The following ELOVL6 variants were observed in gnomAD, a reference collection of about 807,000 sequenced individuals.
The protein encoded by ELOVL6 is ELOVL fatty acid elongase 6, also known as very long chain fatty acid elongase 6.
Under a neutral mutation model 31.7 loss-of-function variants are expected in ELOVL6, and 8 were observed. That is an observed-to-expected ratio of 0.25 (90% CI 0.15 to 0.45). The LOEUF (loss-of-function observed/expected upper bound fraction) is 0.45. Ranked by LOEUF, ELOVL6 falls within the 20% of genes least tolerant of loss-of-function variation. The pLI, the probability that ELOVL6 is intolerant of heterozygous loss-of-function variation, is 1.00. For missense variants in ELOVL6, 126 were observed against 326.4 expected, an observed-to-expected ratio of 0.39 and a Z score of 4.73; for synonymous variants, 101 against 117.7, an observed-to-expected ratio of 0.86 and a Z score of 0.92.
intron 3 of ELOVL6, among the ~76,000 whole-genome samples, chr4:110,054,416 A>T (rs1754921242): frequency 6.6e-6 from 1 of 152,210 alleles, no homozygotes; most frequent in Non-Finnish European, 1.5e-5. Flanking sequence ...TGTGGACAAT[A>T]ACGCAGACAC....
chr4:110,122,233 A>T (rs1479486201), intron 1 of ELOVL6, among the ~76,000 whole-genome samples: 1 of 152,192 alleles, frequency 6.6e-6, no homozygotes, highest in Non-Finnish European at 1.5e-5. Flanking sequence ...TGAAGTCAAG[A>T]TCTTTATGTA....
intron 2 of ELOVL6, among the ~76,000 whole-genome samples, chr4:110,101,685 A>AT (rs1327309400): frequency 6.6e-6 from 1 of 151,886 alleles, no homozygotes. Context: ...TCGTTCATTT[A>AT]TTTTTTGAGA....
chr4:110,156,046 C>T (rs1206848240), intron 1 of ELOVL6, among the ~76,000 whole-genome samples: 1 of 152,164 alleles, frequency 6.6e-6, no homozygotes, highest in African/African-American at 2.4e-5. Flanking sequence ...AATATGCCTG[C>T]TTTCCTTTCT....
chr4:110,174,075 A>G (rs535670423), intron 1 of ELOVL6, among the ~76,000 whole-genome samples: 1 of 152,248 alleles, frequency 6.6e-6, no homozygotes, highest in Middle Eastern at 3.4e-3. Context: ...ATTTTAAAAA[A>G]GATTAACCCA....
rs1359926395 is a variant in ELOVL6, at chr4:110,049,820, T to C, written c.*1518A>G. Reference sequence around the variant, plus strand: ...ACTTTACATAATTGCTTCTTTGAAATACTAGAAACATTGACACATGTATTT... The same window carrying C: ...ACTTTACATAATTGCTTCTTTGAAACACTAGAAACATTGACACATGTATTT... On this transcript the variant is annotated 3_prime_UTR_variant, in exon 4 of 4. Transcript: ENST00000302274. 1 of 151,792 alleles carries C rather than the reference T, an allele frequency of 6.6e-6. No homozygotes were observed. Among genetic ancestry groups the C allele is most frequent in the Non-Finnish European group, 1.5e-5 (1 of 67,954 alleles). 9.4% of individuals were successfully genotyped at this position (151,792 alleles called of 1,614,324 possible).
intron 1 of ELOVL6, among the ~76,000 whole-genome samples, chr4:110,118,656 A>G (rs1206210934): frequency 6.6e-6 from 1 of 152,218 alleles, no homozygotes; most frequent in Non-Finnish European, 1.5e-5. Context: ...ACGGGCACCT[A>G]GGTTGATTCC....
At chr4:110,190,911 C>T (rs1759596826) in intron 1 of ELOVL6, among the ~76,000 whole-genome samples, 1 of 152,032 alleles carries the variant, frequency 6.6e-6, no homozygotes, top group Non-Finnish European at 1.5e-5. Flanking sequence ...CCTCCGCCTC[C>T]AGGTTCATGC....
At chr4:110,145,234 C>T (rs1287533783) in intron 1 of ELOVL6, among the ~76,000 whole-genome samples, 5 of 151,988 alleles carry the variant, frequency 3.3e-5, no homozygotes, top group Non-Finnish European at 5.9e-5. Flanking sequence ...ACAGGGCTGG[C>T]AGGAATGAAG....
In ELOVL6 at chr4:110,051,915, C is replaced by T. The variant is rs571688589; in HGVS notation, c.374-153G>A. Among the ~76,000 whole-genome samples, 5 of 152,216 alleles carry T rather than the reference C, an allele frequency of 3.3e-5. No individual in the cohort carries two copies. Among genetic ancestry groups the T allele is most frequent in the African/African-American group, 9.6e-5 (4 of 41,542 alleles). On this transcript the variant is annotated intron_variant, in intron 3 of 3. Transcript: ENST00000302274. The surrounding 1 kb of genome is among the most constrained non-coding windows in gnomAD (Gnocchi z 4.8). ...AACTGGTACTTACTAGCTCTGTGAC[C>T]CTGGACAAGTTAGTTATCCTCACTA...
intron 2 of ELOVL6, among the ~76,000 whole-genome samples, chr4:110,060,990 A>G (rs7682855): frequency 0.072 from 10,960 of 152,296 alleles, 441 homozygotes; most frequent in Middle Eastern, 0.099. Context: ...TATCAAAATA[A>G]TGAAGTTTAA....
intron 1 of ELOVL6, among the ~76,000 whole-genome samples, chr4:110,192,715 A>G (rs1262496116): frequency 6.6e-6 from 1 of 152,214 alleles, no homozygotes; most frequent in African/African-American, 2.4e-5. Flanking sequence ...GCACAACTTT[A>G]CATTATTTTC....
intron 1 of ELOVL6, among the ~76,000 whole-genome samples, chr4:110,163,456 C>T (rs77654884): frequency 2.9e-4 from 44 of 152,304 alleles, no homozygotes; most frequent in East Asian, 2.1e-3. Context: ...CTGAGAACAG[C>T]GGCCTTGTGC....
chr4:110,189,735 G>A (rs1182336779), intron 1 of ELOVL6, among the ~76,000 whole-genome samples: 1 of 151,896 alleles, frequency 6.6e-6, no homozygotes, highest in Non-Finnish European at 1.5e-5. Context: ...TTGGGAGGCC[G>A]AGGTGGGCAG....
At chr4:110,161,504 A>T (rs1758630521) in intron 1 of ELOVL6, among the ~76,000 whole-genome samples, 1 of 152,162 alleles carries the variant, frequency 6.6e-6, no homozygotes, top group Admixed American at 6.6e-5. Context: ...GAGCAAGGTG[A>T]CACACTGCCT....
chr4:110,094,728 CTT>C (rs949761690), intron 2 of ELOVL6, among the ~76,000 whole-genome samples: 1 of 151,646 alleles, frequency 6.6e-6, no homozygotes, highest in African/African-American at 2.4e-5. Flanking sequence ...TAACATCAGT[CTT>C]TGATTTCTTG....
chr4:110,064,665 T>C (rs1755246429), intron 2 of ELOVL6, among the ~76,000 whole-genome samples: 1 of 152,040 alleles, frequency 6.6e-6, no homozygotes, highest in Non-Finnish European at 1.5e-5. Flanking sequence ...AAATTTTTTT[T>C]TTAATGAAAA....
At chr4:110,145,210 C>A (rs1201393259) in intron 1 of ELOVL6, among the ~76,000 whole-genome samples, 1 of 151,834 alleles carries the variant, frequency 6.6e-6, no homozygotes, top group Non-Finnish European at 1.5e-5. Context: ...GACAGACAAC[C>A]CAGCCCCTAG....
At chr4:110,084,549 CACACACACACACAG>C (rs1560815683) in intron 2 of ELOVL6, among the ~76,000 whole-genome samples, 7 of 72,728 alleles carry the variant, frequency 9.6e-5, no homozygotes, top group African/African-American at 4.6e-4. Flanking sequence ...CACACACACA[CACACACACACACAG>C]ATATATATAT....
rs1417009948 is a variant in ELOVL6, at chr4:110,049,159, T to C, written c.*2179A>G. 1.3e-5 allele frequency: 2 copies of C among 152,266 alleles called. No homozygotes were observed. The highest frequency in any genetic ancestry group is 1.5e-5 in the Non-Finnish European group (1 of 68,042). The allele number at this position is 152,266 out of a possible 1,614,324, so 9.4% of individuals were successfully genotyped here. A position where few individuals can be genotyped will look rare whatever the true frequency, so the allele number is the denominator to read the frequency against. ...CATCCTAAGCATCTATTAGCTCTTA[T>C]AAAAGGACCTGTCTTTTCAGCTCAT... On this transcript the variant is annotated 3_prime_UTR_variant, in exon 4 of 4. Coordinates refer to ENST00000302274, the MANE Select transcript of ELOVL6 (RefSeq NM_024090.3).
Sources: allele counts gnomAD v4.1 joint callset (sites outside exome capture counted in the v4.1 genomes callset), GRCh38; gene constraint gnomAD v4.1.1; non-coding constraint Gnocchi (gnomAD v3.1); transcripts MANE v1.5; gene names NCBI Gene and HGNC (gene_info 2026-07-23, HGNC 2026-07-21).